The following ITGA1 variants were observed in gnomAD, a reference collection of about 807,000 sequenced individuals.
The protein encoded by ITGA1 is integrin alpha-1.
In ITGA1, 85 loss-of-function variants were observed where a neutral mutation model predicts 145.9. The observed-to-expected ratio is 0.58, with a 90% CI of 0.49 to 0.70. The LOEUF is 0.70. Ranked by LOEUF, ITGA1 falls within the 30% of genes least tolerant of loss-of-function variation. ITGA1 has a pLI of 0.00. For missense variants in ITGA1, 1,351 were observed against 1,418.7 expected (o/e 0.95, Z 0.77); for synonymous variants, 520 against 495.3 (o/e 1.05, Z -0.66).
chr5:52,815,860 A>T (rs150741920), intron 1 of ITGA1, among the ~76,000 whole-genome samples: 1 of 152,362 alleles, frequency 6.6e-6, no homozygotes, highest in East Asian at 1.9e-4. Flanking sequence ...TAAAATTAGT[A>T]ATAAATAACT....
chr5:52,905,369 T>C (rs975328256), intron 11 of ITGA1: 3 of 153,610 alleles, frequency 2.0e-5, no homozygotes, highest in African/African-American at 7.2e-5. Context: ...ACAGAAAAGG[T>C]TTACATTTTC....
In ITGA1 at chr5:52,893,859, T is replaced by C; in HGVS notation, c.1090+19T>C. 4 of 1,579,742 alleles carry C rather than the reference T, an allele frequency of 2.5e-6. No individual in the cohort carries two copies. The highest frequency in any genetic ancestry group is 1.1e-5 in the South Asian group (1 of 88,296). On this transcript the variant is annotated intron_variant, in intron 9 of 28. Coordinates refer to ENST00000282588, the MANE Select transcript of ITGA1 (RefSeq NM_181501.2). Reference sequence around the variant, plus strand: ...CTGGAAGGTATGTCTATTTATCTTATTGCTGCATGTTCTCTCTGCAATTCA... The same window carrying C: ...CTGGAAGGTATGTCTATTTATCTTACTGCTGCATGTTCTCTCTGCAATTCA...
intron 1 of ITGA1, among the ~76,000 whole-genome samples, chr5:52,841,186 A>G (rs563734148): frequency 6.6e-6 from 1 of 152,204 alleles, no homozygotes; most frequent in Admixed American, 6.5e-5. Context: ...AATTTTAGTA[A>G]GATTTCTTGA....
intron 9 of ITGA1, among the ~76,000 whole-genome samples, chr5:52,894,931 T>C (rs1206099581): frequency 6.6e-6 from 1 of 152,268 alleles, no homozygotes; most frequent in East Asian, 1.9e-4. Context: ...GAGTTATGGC[T>C]TTCAAACTTT....
chr5:52,937,891 C>T (rs571301594), intron 24 of ITGA1, among the ~76,000 whole-genome samples: 1 of 152,078 alleles, frequency 6.6e-6, no homozygotes, highest in African/African-American at 2.4e-5. Context: ...CAGCATAGCT[C>T]CTATCTCTGC....
chr5:52,909,124 T>A (rs991941130), intron 13 of ITGA1, 83 bp downstream of exon 13: 7 of 1,406,262 alleles, frequency 5.0e-6, no homozygotes, highest in African/African-American at 4.4e-5. Flanking sequence ...AATTTTTCAC[T>A]CACTTTGAAA....
At chr5:52,909,125 CACTT>C in intron 13 of ITGA1, 84 bp downstream of exon 13, 2 of 1,397,266 alleles carry the variant, frequency 1.4e-6, no homozygotes, top group South Asian at 1.3e-5. Context: ...ATTTTTCACT[CACTT>C]TGAAAAAACA....
intron 14 of ITGA1, among the ~76,000 whole-genome samples, chr5:52,911,989 ATAGT>A (rs1388152794): frequency 6.6e-5 from 4 of 60,734 alleles, no homozygotes; most frequent in African/African-American, 2.8e-4. Context: ...TACTATATGT[ATAGT>A]GTGTATCTAC....
rs116387303 is a variant in ITGA1, at chr5:52,844,251, G to C, written c.62-5114G>C. Among the ~76,000 whole-genome samples the C allele has an allele frequency of 3.8e-3, 578 of 152,232 alleles. 4 individuals carry two copies. Among genetic ancestry groups the C allele is most frequent in the African/African-American group, 0.013 (530 of 41,542 alleles). On this transcript the variant is annotated intron_variant, in intron 1 of 28. Coordinates refer to ENST00000282588, the MANE Select transcript of ITGA1 (RefSeq NM_181501.2). ...TTCAAGAAGTTAGATCTGGAGCTCTGTGGCCAGGACTTTTCTCCTTACTCA... is the reference window on the plus strand; with the variant it reads ...TTCAAGAAGTTAGATCTGGAGCTCTCTGGCCAGGACTTTTCTCCTTACTCA...
At chr5:52,918,622 T>A (rs578237254) in intron 15 of ITGA1, 110 bp from the exon 16 acceptor site, 3 of 957,210 alleles carry the variant, frequency 3.1e-6, no homozygotes, top group East Asian at 5.2e-5. Flanking sequence ...CTGAGCGCTG[T>A]ATTATACATG....
rs558231134 is a variant in ITGA1 at position 52,932,192 on chromosome 5, A to G, written c.2861+56A>G. On this transcript the variant is annotated intron_variant, in intron 22 of 28. Coordinates refer to ENST00000282588, the MANE Select transcript of ITGA1 (RefSeq NM_181501.2). ...CCTTTCTATTAACCCAGTGGTTCTGAAAGTGTGGTCCCTGCCTGGCCAAGG... is the reference window on the plus strand; with the variant it reads ...CCTTTCTATTAACCCAGTGGTTCTGGAAGTGTGGTCCCTGCCTGGCCAAGG... The G allele has an allele frequency of 6.2e-6, 7 of 1,120,312 alleles. No homozygotes were observed. The East Asian group carries it at 1.7e-4, about 27-fold the overall frequency. The allele number at this position is 1,120,312 out of a possible 1,614,324, so 69.4% of individuals were successfully genotyped here.
At chr5:52,940,129 G>C (rs901028560) in intron 26 of ITGA1, among the ~76,000 whole-genome samples, 185 bp downstream of exon 26, 1 of 152,114 alleles carries the variant, frequency 6.6e-6, no homozygotes, top group African/African-American at 2.4e-5. Context: ...TGTCTGTTAA[G>C]AACTAAGATA....
At position 52,895,696 on chromosome 5, in the gene ITGA1, T is replaced by C. The variant is rs1389128631; in HGVS notation, c.1091-1759T>C. Among the ~76,000 whole-genome samples the C allele has an allele frequency of 2.6e-5, 4 of 152,018 alleles. No homozygotes were observed. The South Asian group carries it at 8.3e-4, about 32-fold the overall frequency. On this transcript the variant is annotated intron_variant, in intron 9 of 28. Transcript: ENST00000282588. The stretch of plus-strand genomic sequence containing the variant: ...CATTTCAGATTATTTCTAACCTAAC[T>C]ACACCATGGATTAAAGGTGACAGGT...
At chr5:52,854,181 A>G (rs1749471321) in intron 2 of ITGA1, among the ~76,000 whole-genome samples, 1 of 152,114 alleles carries the variant, frequency 6.6e-6, no homozygotes, top group African/African-American at 2.4e-5. Context: ...CCTTTTCTCT[A>G]GAGGATCCTG....
In ITGA1 at chr5:52,953,136, T is replaced by C. The variant is rs1751250661; in HGVS notation, c.*685T>C. On this transcript the variant is annotated 3_prime_UTR_variant, in exon 29 of 29. Transcript: ENST00000282588. The stretch of plus-strand genomic sequence containing the variant: ...CTCGTTTAAAAACAAGTATATTAAA[T>C]GGGTTAAATTAAGCTTTTACAGAAC... 6.6e-6 allele frequency: 1 copy of C among 152,194 alleles called. No homozygotes were observed. Among genetic ancestry groups the C allele is most frequent in the African/African-American group, 2.4e-5 (1 of 41,452 alleles). 9.4% of individuals were successfully genotyped at this position (152,194 alleles called of 1,614,324 possible).
At chr5:52,878,559 A>C (rs1481914688) in intron 6 of ITGA1, among the ~76,000 whole-genome samples, 1 of 152,242 alleles carries the variant, frequency 6.6e-6, no homozygotes, top group Non-Finnish European at 1.5e-5. Flanking sequence ...TTAAGTTGGC[A>C]TCTCTTCAGC....
Position 52,864,808 on chromosome 5 carries a change from C to T in ITGA1, c.341C>T (p.Thr114Ile). 6.2e-7 allele frequency: 1 copy of T among 1,612,682 alleles called. No individual in the cohort carries two copies. Among genetic ancestry groups the T allele is most frequent in the Non-Finnish European group, 8.5e-7 (1 of 1,178,986 alleles). Reference sequence around the variant, plus strand: ...GTCACAGAAGTAAAGGAGAACATGACATTTGGATCAACTTTAGTCACCAAC... The same window carrying T: ...GTCACAGAAGTAAAGGAGAACATGATATTTGGATCAACTTTAGTCACCAAC... The part of the protein sequence containing the change: ...PNVTEVKENM[T>I]FGSTLVTNPN... The change falls in exon 4 of 29, where the codon ACA becomes ATA. Residue 114 changes from threonine (T) to isoleucine (I), a missense_variant. Thr to Ile is a moderately conservative substitution (Grantham distance 89, BLOSUM62 -1). Transcript: ENST00000282588.
At chr5:52,878,961 CAAAAAAA>C (rs33911483) in intron 6 of ITGA1, among the ~76,000 whole-genome samples, 1 of 130,632 alleles carries the variant, frequency 7.7e-6, no homozygotes, top group Non-Finnish European at 1.7e-5. Context: ...GTCTAAGTAC[CAAAAAAA>C]AAAAAAAAAA....
intron 27 of ITGA1, among the ~76,000 whole-genome samples, chr5:52,946,468 G>A (rs1751137169): frequency 6.6e-6 from 1 of 152,152 alleles, no homozygotes; most frequent in East Asian, 1.9e-4. Context: ...TGATTTGAGA[G>A]GTTTTGATTA....
Sources: gnomAD v4.1 joint callset for allele counts (sites outside exome capture counted in the v4.1 genomes callset) on GRCh38, gnomAD v4.1.1 for gene constraint, MANE v1.5 for transcripts, NCBI Gene and HGNC (gene_info 2026-07-23, HGNC 2026-07-21) for gene names.